NR1D2: variants seen among roughly 807,000 people sequenced by gnomAD.
NR1D2 encodes V-erbA-related protein 1-related.
In NR1D2, 25 loss-of-function variants were observed where a neutral mutation model predicts 52.2. The ratio of observed to expected loss-of-function variants is 0.48; its 90% CI spans 0.35 to 0.67. The LOEUF (loss-of-function observed/expected upper bound fraction) is 0.67. NR1D2 is among the 30% of genes least tolerant of loss of function. The pLI is 0.01. For missense variants in NR1D2, 681 were observed against 707.2 expected (o/e 0.96, Z 0.42); for synonymous variants, 259 against 230.1 (o/e 1.13, Z -1.14).
intron 1 of NR1D2, 56 bp downstream of exon 1, chr3:23,945,650 CGGGGCACTTTGG>C (rs1368841726): frequency 4.2e-6 from 2 of 477,892 alleles, no homozygotes; most frequent in Non-Finnish European, 5.4e-6. Flanking sequence ...TCAGAGCCCG[CGGGGCACTTTGG>C]GGGGCGGCGG....
intron 2 of NR1D2, 56 bp from the exon 3 acceptor site, chr3:23,955,981 G>T: frequency 8.0e-7 from 1 of 1,255,064 alleles, no homozygotes; most frequent in South Asian, 1.2e-5. Context: ...TAATTGGAAA[G>T]AAAACAGACT....
chr3:23,951,054 C>T (rs190094180), intron 1 of NR1D2, among the ~76,000 whole-genome samples: 2 of 151,944 alleles, frequency 1.3e-5, no homozygotes, highest in Admixed American at 6.6e-5. Flanking sequence ...TACAGGCATG[C>T]GCCACCACAC....
At chr3:23,967,681 G>C in intron 6 of NR1D2, 132 bp from the exon 7 acceptor site, 1 of 650,302 alleles carries the variant, frequency 1.5e-6, no homozygotes, top group Non-Finnish European at 2.6e-6. Context: ...TTGAGTAAAA[G>C]TATACCCTGT....
Position 23,954,758 on chromosome 3 carries a change from A to G in NR1D2, c.238A>G (p.Lys80Glu). 1 of 1,614,222 alleles carries G rather than the reference A, an allele frequency of 6.2e-7. No homozygotes were observed. Among genetic ancestry groups the G allele is most frequent in the Non-Finnish European group, 8.5e-7 (1 of 1,180,026 alleles). Reference protein sequence around the residue: ...DRIDCSMKTSKSSAPGMTKSH... With the variant: ...DRIDCSMKTSESSAPGMTKSH... ...AATAGATTGTTCTATGAAAACAAGC[A>G]AATCGAGTGCACCTGGGATGACAAA... is the stretch of plus-strand genomic sequence containing the variant. The change falls in exon 2 of 8, where the codon AAA (lysine) becomes GAA (glutamate). Residue 80 changes from lysine to glutamate, a missense_variant. By Grantham distance (56) the Lys-to-Glu change is moderately conservative. Transcript: ENST00000312521.
chr3:23,960,298 G>A (rs143726752), intron 4 of NR1D2, among the ~76,000 whole-genome samples: 1,921 of 152,166 alleles, frequency 0.013, 36 homozygotes, highest in African/African-American at 0.043. Flanking sequence ...CCAGTTACTC[G>A]GGAGGCTAAG....
chr3:23,965,235 C>CTTTTTTTTTT (rs371267256), intron 6 of NR1D2, 73 bp downstream of exon 6: 1 of 284,338 alleles, frequency 3.5e-6, no homozygotes, highest in Non-Finnish European at 5.7e-6. Context: ...TGTTTTAATT[C>CTTTTTTTTTT]TTTTTTTTTT....
Position 23,978,652 on chromosome 3 carries a change from T to C in NR1D2, c.*1233T>C, listed in dbSNP as rs946133751. 22 of 152,162 alleles carry C rather than the reference T, an allele frequency of 1.4e-4. No individual in the cohort carries two copies. The highest frequency in any genetic ancestry group is 6.6e-5 in the Admixed American group (1 of 15,262). The allele number at this position is 152,162 out of a possible 1,614,324, so 9.4% of individuals were successfully genotyped here. A position where few individuals can be genotyped will look rare whatever the true frequency, so the allele number is the denominator to read the frequency against. On this transcript the variant is annotated 3_prime_UTR_variant, in exon 8 of 8. Transcript: ENST00000312521. Reference sequence around the variant, plus strand: ...GATGTTAAAGAATTTTTATTCTTTCTGAAGAACTAATTAATGTTTAAAGCA... The same window carrying C: ...GATGTTAAAGAATTTTTATTCTTTCCGAAGAACTAATTAATGTTTAAAGCA...
chr3:23,970,762 G>T (rs1412028548), intron 7 of NR1D2, among the ~76,000 whole-genome samples: 4 of 151,444 alleles, frequency 2.6e-5, no homozygotes, highest in African/African-American at 7.3e-5. Context: ...GCTGTTTTTT[G>T]TTGTTGTTGT....
chr3:23,971,244 T>C (rs1393461307), intron 7 of NR1D2, among the ~76,000 whole-genome samples: 1 of 152,176 alleles, frequency 6.6e-6, no homozygotes, highest in African/African-American at 2.4e-5. Flanking sequence ...CACCCTTCTT[T>C]TTAATTTTCT....
chr3:23,966,597 A>C (rs1272962074), intron 6 of NR1D2, among the ~76,000 whole-genome samples: 1 of 152,240 alleles, frequency 6.6e-6, no homozygotes, highest in Non-Finnish European at 1.5e-5. Context: ...TACTGGCACT[A>C]TTTCTTGCTC....
chr3:23,962,475 C>T lies in NR1D2; in HGVS notation c.1016C>T (p.Ala339Val). 1.2e-6 allele frequency: 2 copies of T among 1,614,092 alleles called. No individual in the cohort carries two copies. The highest frequency in any genetic ancestry group is 2.7e-5 in the African/African-American group (2 of 75,000). ...CCAAATGGTCATGCCATTTGTATTGCAAATGGACATTGTATGAACTTCTCC... is the reference window on the plus strand; with the variant it reads ...CCAAATGGTCATGCCATTTGTATTGTAAATGGACATTGTATGAACTTCTCC... ...HYPNGHAICI[A>V]NGHCMNFSNA... The change falls in exon 5 of 8, where the codon GCA becomes GTA. Residue 339 changes from alanine to valine, a missense_variant. By Grantham distance (64) the Ala-to-Val change is moderately conservative. This residue lies in a region of NR1D2 where 475 missense variants were observed against 454.5 expected (regional missense o/e 1.05). Coordinates refer to ENST00000312521, the MANE Select transcript of NR1D2 (RefSeq NM_005126.5).
At chr3:23,976,720 TC>T (rs764524356) in intron 7 of NR1D2, among the ~76,000 whole-genome samples, 107 of 152,290 alleles carry the variant, frequency 7.0e-4, no homozygotes, top group African/African-American at 1.4e-3. Flanking sequence ...ATATTTTTTT[TC>T]ATTAGAAGTT....
At chr3:23,968,885 A>G (rs1025405048) in intron 7 of NR1D2, among the ~76,000 whole-genome samples, 1 of 152,126 alleles carries the variant, frequency 6.6e-6, no homozygotes, top group African/African-American at 2.4e-5. Context: ...TTTGTTTCCC[A>G]TTTGCTTCCT....
intron 1 of NR1D2, among the ~76,000 whole-genome samples, chr3:23,947,156 G>C (rs1285899329): frequency 6.6e-6 from 1 of 152,100 alleles, no homozygotes; most frequent in East Asian, 1.9e-4. Flanking sequence ...ACTTCTACAT[G>C]TTAGAATTCA....
intron 3 of NR1D2, among the ~76,000 whole-genome samples, chr3:23,956,339 A>G (rs112076854): frequency 7.2e-5 from 11 of 152,222 alleles, no homozygotes; most frequent in African/African-American, 2.7e-4. Flanking sequence ...TAAGATTTTG[A>G]ACAAAGTAAA....
At chr3:23,954,476 C>A in intron 1 of NR1D2, 61 bp from the exon 2 acceptor site, 2 of 1,464,386 alleles carry the variant, frequency 1.4e-6, no homozygotes, top group South Asian at 1.2e-5. Flanking sequence ...TTGAGATTTG[C>A]AAAAATAAAA....
intron 1 of NR1D2, among the ~76,000 whole-genome samples, chr3:23,952,093 C>A (rs1184815683): frequency 2.0e-5 from 3 of 152,104 alleles, no homozygotes; most frequent in Non-Finnish European, 2.9e-5. Context: ...AGATCTGGAG[C>A]GGAGCCTGAT....
chr3:23,954,921 G>A, intron 2 of NR1D2, 118 bp downstream of exon 2: 4 of 855,188 alleles, frequency 4.7e-6, no homozygotes, highest in Non-Finnish European at 7.4e-6. Flanking sequence ...TCCTTGCTGG[G>A]TAATCATACA....
rs550442662 is a variant in NR1D2, at chr3:23,977,936, G to A, written c.*517G>A. 1 of 152,266 alleles carries A rather than the reference G, an allele frequency of 6.6e-6. No homozygotes were observed. The highest frequency in any genetic ancestry group is 2.4e-5 in the African/African-American group (1 of 41,544). 9.4% of individuals were successfully genotyped at this position (152,266 alleles called of 1,614,324 possible). ...GTGTGTGGTCCTGGGTAGTTTACTT[G>A]CTTGCGGAAAATGAGAATTGATGGT... On this transcript the variant is annotated 3_prime_UTR_variant, in exon 8 of 8. Coordinates refer to ENST00000312521, the MANE Select transcript of NR1D2 (RefSeq NM_005126.5).
Sources: allele counts gnomAD v4.1 joint callset (sites outside exome capture counted in the v4.1 genomes callset), GRCh38; gene constraint gnomAD v4.1.1; regional missense constraint gnomAD v4.1.1; transcripts MANE v1.5; gene names NCBI Gene and HGNC (gene_info 2026-07-23, HGNC 2026-07-21).